Variants in SHROOM3 observed in about 807,000 individuals in gnomAD.
The protein encoded by SHROOM3 is shroom family member 3.
SHROOM3 carries 47 observed loss-of-function variants against 138.6 expected under a neutral mutation model. The ratio of observed to expected loss-of-function variants is 0.34; its 90% CI spans 0.27 to 0.43. The LOEUF (loss-of-function observed/expected upper bound fraction) is 0.43, where lower values mean the gene tolerates loss of function less well. SHROOM3 is among the 20% of genes least tolerant of loss of function. SHROOM3 has a pLI of 1.00. For missense variants in SHROOM3, 2,491 were observed against 2,596.5 expected (o/e 0.96, Z 0.88); for synonymous variants, 1,062 against 1,063.3 (o/e 1.00, Z 0.02).
Position 76,740,533 on chromosome 4 carries a change from A to T in SHROOM3, c.2360A>T (p.Lys787Ile). 1 of 1,614,080 alleles carries T rather than the reference A, an allele frequency of 6.2e-7. No homozygotes were observed. Among genetic ancestry groups the T allele is most frequent in the East Asian group, 2.2e-5 (1 of 44,874 alleles). The change falls in exon 5 of 11, where the codon AAA becomes ATA. Residue 787 changes from lysine (K) to isoleucine (I), a missense_variant. Lys to Ile is a moderately radical substitution (Grantham distance 102, BLOSUM62 -3). Around this residue, in one of 4 missense-constraint regions of SHROOM3, gnomAD observed 1,733 missense variants for 1,661.6 expected, o/e 1.04. Transcript: ENST00000296043. The surrounding 1 kb of genome is among the most constrained non-coding windows in gnomAD (Gnocchi z 4.0). ...TGCTCGGTGCTGGAGAAGGTCTCCA[A>T]ATTCGAGCAGCGAGAGCAAGGGAGC... ...PHCSVLEKVS[K>I]FEQREQGSQR...
Position 76,739,261 on chromosome 4 carries a change from A to G in SHROOM3, c.1088A>G (p.Gln363Arg), listed in dbSNP as rs201509477. Residue 363 changes from glutamine to arginine, a missense_variant, in exon 5 of 11, where the codon CAG (glutamine) becomes CGG (arginine). This residue lies in a region of SHROOM3 where 1,733 missense variants were observed against 1,661.6 expected (regional missense o/e 1.04). Transcript: ENST00000296043. ...GKGVPPPSWS[Q>R]QCPSSLETAT... ...GGAGTGCCACCCCCATCCTGGAGCC[A>G]GCAGTGCCCCAGTTCCTTGGAGACT... 124 of 1,614,004 alleles carry G rather than the reference A, an allele frequency of 7.7e-5. 1 individual carries two copies. The highest frequency in any genetic ancestry group is 6.6e-5 in the Non-Finnish European group (78 of 1,180,048).
At chr4:76,712,292 A>C (rs1720251494) in intron 3 of SHROOM3, among the ~76,000 whole-genome samples, 1 of 152,310 alleles carries the variant, frequency 6.6e-6, no homozygotes, top group African/African-American at 2.4e-5. Context: ...GATAAAGGAG[A>C]GAAAAACTAA....
intron 1 of SHROOM3, among the ~76,000 whole-genome samples, chr4:76,470,456 T>G (rs892222262): frequency 1.3e-5 from 2 of 152,116 alleles, no homozygotes; most frequent in Non-Finnish European, 2.9e-5. Context: ...AAATAAGTAC[T>G]AAGAAAATAC....
At chr4:76,735,858 AAAAAAAAAAAATATATATATATATAT>A (rs60621104) in intron 4 of SHROOM3, among the ~76,000 whole-genome samples, 17,000 of 50,948 alleles carry the variant, frequency 0.33, 2,361 homozygotes, top group Non-Finnish European at 0.43. Context: ...AAAAAAAAAA[AAAAAAAAAAAATATATATATATATAT>A]ATATATATAT....
chr4:76,666,802 G>C (rs781252953), intron 2 of SHROOM3, among the ~76,000 whole-genome samples: 2 of 152,128 alleles, frequency 1.3e-5, no homozygotes, highest in African/African-American at 2.4e-5. Context: ...ATTGATGATA[G>C]ACAAAGGGTA....
At chr4:76,580,670 C>G (rs1179457483) in intron 2 of SHROOM3, among the ~76,000 whole-genome samples, 1 of 152,136 alleles carries the variant, frequency 6.6e-6, no homozygotes, top group Non-Finnish European at 1.5e-5. Context: ...AGGTGATCTG[C>G]CGGCCTCGGC....
At position 76,514,358 on chromosome 4, in the gene SHROOM3, A is replaced by G. The variant is rs546161214; in HGVS notation, c.169-41251A>G. Among the ~76,000 whole-genome samples, 24 of 152,332 alleles carry G rather than the reference A, an allele frequency of 1.6e-4. No individual in the cohort carries two copies. In the South Asian group the frequency reaches 4.6e-3, roughly 29 times the overall value. On this transcript the variant is annotated intron_variant, in intron 1 of 10. Transcript: ENST00000296043. ...TGTACTGATACATGCTGCAATGTGG[A>G]GAAACCTTAAAAAACTGAAAGAAGG... is the stretch of plus-strand genomic sequence containing the variant.
intron 3 of SHROOM3, among the ~76,000 whole-genome samples, chr4:76,726,815 G>A (rs943697889): frequency 3.3e-5 from 5 of 152,180 alleles, no homozygotes; most frequent in East Asian, 1.9e-4. Flanking sequence ...ATCAGTAAAC[G>A]TTGTCTCACA....
intron 1 of SHROOM3, among the ~76,000 whole-genome samples, chr4:76,448,379 A>G (rs1211967634): frequency 6.6e-6 from 1 of 152,128 alleles, no homozygotes; most frequent in Non-Finnish European, 1.5e-5. Flanking sequence ...ACCCGTCCAC[A>G]TTTCCTCACC....
intron 2 of SHROOM3, among the ~76,000 whole-genome samples, chr4:76,671,801 T>C (rs1450316538): frequency 6.6e-6 from 1 of 152,224 alleles, no homozygotes; most frequent in Non-Finnish European, 1.5e-5. Context: ...TCCTACATGC[T>C]TGGAACCAGA....
chr4:76,474,061 G>A (rs1313179901), intron 1 of SHROOM3, among the ~76,000 whole-genome samples: 1 of 152,070 alleles, frequency 6.6e-6, no homozygotes, highest in East Asian at 1.9e-4. Context: ...ATCAACTGAT[G>A]GAAAAATAAA....
chr4:76,527,393 G>A (rs1732713727), intron 1 of SHROOM3, among the ~76,000 whole-genome samples: 1 of 152,124 alleles, frequency 6.6e-6, no homozygotes, highest in Non-Finnish European at 1.5e-5. Flanking sequence ...GACCAGCCTG[G>A]CCAACATGGT....
intron 1 of SHROOM3, among the ~76,000 whole-genome samples, chr4:76,493,590 G>A (rs894728308): frequency 6.6e-6 from 1 of 152,170 alleles, no homozygotes; most frequent in Non-Finnish European, 1.5e-5. Flanking sequence ...TAGGAGCCTG[G>A]CTAGGACGAG....
In SHROOM3 at chr4:76,753,033, G is replaced by A. The variant is rs115248283; in HGVS notation, c.3828-1278G>A. Among the ~76,000 whole-genome samples the A allele has an allele frequency of 4.7e-3, 711 of 152,292 alleles. 3 individuals carry two copies. Among genetic ancestry groups the A allele is most frequent in the African/African-American group, 0.016 (683 of 41,562 alleles). On this transcript the variant is annotated intron_variant, in intron 6 of 10. Coordinates refer to ENST00000296043, the MANE Select transcript of SHROOM3 (RefSeq NM_020859.4). Reference sequence around the variant, plus strand: ...CACTGTTCAACAGACATTTGCTGAGGGGGTACTTGGTGGCAGGTACTGGGG... The same window carrying A: ...CACTGTTCAACAGACATTTGCTGAGAGGGTACTTGGTGGCAGGTACTGGGG...
Position 76,728,213 on chromosome 4 carries a change from A to G in SHROOM3, c.456-2591A>G, listed in dbSNP as rs1720767160. On this transcript the variant is annotated intron_variant, in intron 3 of 10. Transcript: ENST00000296043. ...TGGGACCTGTTATTGAAGATTAGAG[A>G]GGTATGGTGATATGGTTTGGCTGTG... Among the ~76,000 whole-genome samples the G allele has an allele frequency of 2.0e-5, 3 of 152,084 alleles. No homozygotes were observed. The South Asian group carries it at 6.2e-4, about 32-fold the overall frequency.
chr4:76,706,557 G>T (rs1342170326), intron 2 of SHROOM3, among the ~76,000 whole-genome samples: 3 of 152,134 alleles, frequency 2.0e-5, no homozygotes, highest in South Asian at 4.2e-4. Flanking sequence ...GGATGGGTTG[G>T]TCTTGCTGTC....
intron 2 of SHROOM3, among the ~76,000 whole-genome samples, chr4:76,622,873 C>T (rs1735039449): frequency 6.6e-6 from 1 of 152,116 alleles, no homozygotes; most frequent in African/African-American, 2.4e-5. Context: ...GTAAAAGCTA[C>T]TGAAGAGGGC....
chr4:76,571,852 T>C (rs1405432970), intron 2 of SHROOM3, among the ~76,000 whole-genome samples: 1 of 152,220 alleles, frequency 6.6e-6, no homozygotes, highest in Non-Finnish European at 1.5e-5. Flanking sequence ...GTCTTACTAG[T>C]ACTTATTCAT....
chr4:76,495,086 A>G (rs543550147), intron 1 of SHROOM3, among the ~76,000 whole-genome samples: 132 of 152,334 alleles, frequency 8.7e-4, no homozygotes, highest in African/African-American at 3.1e-3. Context: ...GCAGTGTAAC[A>G]AGAGGTGTGG....
Sources: allele counts gnomAD v4.1 joint callset (sites outside exome capture counted in the v4.1 genomes callset), GRCh38; gene constraint gnomAD v4.1.1; regional missense constraint gnomAD v4.1.1; non-coding constraint Gnocchi (gnomAD v3.1); transcripts MANE v1.5; gene names NCBI Gene and HGNC (gene_info 2026-07-23, HGNC 2026-07-21).